The following GRM5 variants were observed in gnomAD, a reference collection of about 807,000 sequenced individuals.
GRM5 encodes metabotropic glutamate receptor 5.
GRM5 carries 19 observed loss-of-function variants against 83.1 expected under a neutral mutation model. The ratio of observed to expected loss-of-function variants is 0.23; its 90% CI spans 0.16 to 0.34. The LOEUF (loss-of-function observed/expected upper bound fraction) is 0.34. GRM5 is among the 10% of genes least tolerant of loss of function. GRM5 has a pLI of 1.00. For missense variants in GRM5, 1,160 were observed against 1,588.3 expected (o/e 0.73, Z 4.58); for synonymous variants, 675 against 633.6 (o/e 1.07, Z -0.98).
intron 2 of GRM5, among the ~76,000 whole-genome samples, chr11:88,913,875 T>C (rs1274307783): frequency 1.3e-5 from 2 of 152,080 alleles, no homozygotes; most frequent in Admixed American, 6.6e-5. Context: ...GTGTGAGCCA[T>C]GTGGCCTACA....
intron 4 of GRM5, among the ~76,000 whole-genome samples, chr11:88,606,609 A>T (rs1052982568): frequency 2.6e-5 from 4 of 152,160 alleles, no homozygotes; most frequent in Admixed American, 2.6e-4. Flanking sequence ...CTAGGGAGGG[A>T]CATGATCAGA....
At chr11:88,722,273 T>C (rs1350641916) in intron 3 of GRM5, among the ~76,000 whole-genome samples, 1 of 152,052 alleles carries the variant, frequency 6.6e-6, no homozygotes, top group African/African-American at 2.4e-5. Context: ...GAAAAATGAG[T>C]TGGTATCACT....
chr11:88,717,965 T>A (rs1477933795), intron 3 of GRM5, among the ~76,000 whole-genome samples: 1 of 151,896 alleles, frequency 6.6e-6, no homozygotes, highest in East Asian at 1.9e-4. Flanking sequence ...GAGAAGGTTT[T>A]ATTTAGGCAA....
intron 2 of GRM5, among the ~76,000 whole-genome samples, chr11:88,870,816 A>G (rs1402182673): frequency 6.6e-6 from 1 of 151,520 alleles, no homozygotes; most frequent in Non-Finnish European, 1.5e-5. Flanking sequence ...TAAAGCCAAG[A>G]AACTGAGTGA....
chr11:88,990,059 T>C (rs1333648163), intron 2 of GRM5, among the ~76,000 whole-genome samples: 14 of 151,126 alleles, frequency 9.3e-5, no homozygotes, highest in Non-Finnish European at 1.9e-4. Flanking sequence ...TTCAAAAAAT[T>C]AATGAATCCA....
intron 2 of GRM5, among the ~76,000 whole-genome samples, chr11:88,914,978 A>G (rs1945564771): frequency 6.6e-6 from 1 of 152,140 alleles, no homozygotes; most frequent in Admixed American, 6.6e-5. Context: ...GGGTAAGAAA[A>G]TACTCAGAAA....
chr11:88,728,392 C>T (rs952366376), intron 3 of GRM5, among the ~76,000 whole-genome samples: 1 of 151,802 alleles, frequency 6.6e-6, no homozygotes, highest in Non-Finnish European at 1.5e-5. Context: ...AATAGCCTAA[C>T]CAAAAAAAAA....
chr11:88,827,057 C>T (rs1231931782), intron 3 of GRM5, among the ~76,000 whole-genome samples: 2 of 152,060 alleles, frequency 1.3e-5, no homozygotes, highest in Non-Finnish European at 2.9e-5. Flanking sequence ...TAAACAGCAC[C>T]GTCTTCTCTG....
intron 7 of GRM5, among the ~76,000 whole-genome samples, chr11:88,587,006 G>A (rs188274171): frequency 2.1e-4 from 32 of 152,302 alleles, no homozygotes; most frequent in Admixed American, 9.2e-4. Flanking sequence ...ACTGGAGGTT[G>A]ACACGTATTT....
At chr11:88,921,799 A>T (rs1945697453) in intron 2 of GRM5, among the ~76,000 whole-genome samples, 1 of 152,194 alleles carries the variant, frequency 6.6e-6, no homozygotes, top group South Asian at 2.1e-4. Context: ...AAATTGTAAA[A>T]GAAAAAATCA....
At chr11:88,520,566 G>T (rs1429810315) in intron 9 of GRM5, among the ~76,000 whole-genome samples, 1 of 151,772 alleles carries the variant, frequency 6.6e-6, no homozygotes, top group Non-Finnish European at 1.5e-5. Context: ...ATATTGCATT[G>T]CAGTTATCTG....
At chr11:88,950,328 T>C (rs1311728885) in intron 2 of GRM5, among the ~76,000 whole-genome samples, 1 of 147,740 alleles carries the variant, frequency 6.8e-6, no homozygotes, top group Admixed American at 7.0e-5. Flanking sequence ...AAACAGAACC[T>C]ATTAAGAGAT....
chr11:88,969,852 A>C (rs1029656856), intron 2 of GRM5, among the ~76,000 whole-genome samples: 18 of 152,132 alleles, frequency 1.2e-4, no homozygotes, highest in Non-Finnish European at 2.2e-4. Context: ...GACTGTCTTC[A>C]TACATTTTGA....
intron 4 of GRM5, among the ~76,000 whole-genome samples, chr11:88,616,201 A>G (rs1938475481): frequency 6.6e-6 from 1 of 152,122 alleles, no homozygotes; most frequent in African/African-American, 2.4e-5. Flanking sequence ...TTTGTTAATA[A>G]TAATATGATT....
intron 2 of GRM5, among the ~76,000 whole-genome samples, chr11:88,880,010 A>G (rs1944925645): frequency 6.6e-6 from 1 of 152,152 alleles, no homozygotes; most frequent in African/African-American, 2.4e-5. Flanking sequence ...GTTTGGGTAC[A>G]CAGGGAATTT....
intron 5 of GRM5, among the ~76,000 whole-genome samples, chr11:88,598,426 T>C (rs1937881752): frequency 6.6e-6 from 1 of 152,128 alleles, no homozygotes; most frequent in African/African-American, 2.4e-5. Context: ...CCCAGTCACA[T>C]TTTTTACTGT....
At chr11:88,543,368 C>T (rs1447481615) in intron 8 of GRM5, among the ~76,000 whole-genome samples, 1 of 152,142 alleles carries the variant, frequency 6.6e-6, no homozygotes, top group Non-Finnish European at 1.5e-5. Context: ...TTGGAAGAAA[C>T]AAATGGGTGC....
intron 2 of GRM5, among the ~76,000 whole-genome samples, chr11:88,899,270 T>A (rs751492243): frequency 6.6e-6 from 1 of 151,964 alleles, no homozygotes; most frequent in Non-Finnish European, 1.5e-5. Context: ...GGGAGAAGTC[T>A]CATCAGTAAA....
intron 8 of GRM5, among the ~76,000 whole-genome samples, chr11:88,546,481 C>G (rs1942387629): frequency 6.6e-6 from 1 of 151,984 alleles, no homozygotes; most frequent in Non-Finnish European, 1.5e-5. Context: ...ATTACAATGA[C>G]TTTTGCTTTG....
Sources: allele counts gnomAD v4.1 joint callset (sites outside exome capture counted in the v4.1 genomes callset), GRCh38; gene constraint gnomAD v4.1.1; transcripts MANE v1.5; gene names NCBI Gene and HGNC (gene_info 2026-07-23, HGNC 2026-07-21).